AK5: variants seen among roughly 807,000 people sequenced by gnomAD.
AK5 encodes adenylate kinase isoenzyme 5.
In AK5, 27 loss-of-function variants were observed where a neutral mutation model predicts 69.5. The observed-to-expected ratio is 0.39, with a 90% confidence interval of 0.29 to 0.54. The LOEUF (loss-of-function observed/expected upper bound fraction) is 0.54. AK5 is among the 20% of genes least tolerant of loss of function. AK5 has a pLI of 0.71. For missense variants in AK5, 531 were observed against 700.4 expected (o/e 0.76, Z 2.73); for synonymous variants, 260 against 244.4 (o/e 1.06, Z -0.60).
chr1:77,464,454 T>C (rs1008728073), intron 8 of AK5, among the ~76,000 whole-genome samples: 2 of 152,236 alleles, frequency 1.3e-5, no homozygotes, highest in Middle Eastern at 3.4e-3. Context: ...AGTGAACACA[T>C]TGGAGAGGAG....
intron 13 of AK5, among the ~76,000 whole-genome samples, chr1:77,537,072 T>C (rs1659011408): frequency 6.6e-6 from 1 of 152,058 alleles, no homozygotes; most frequent in Non-Finnish European, 1.5e-5. Flanking sequence ...CTTGCAAAGC[T>C]TAGGGTTTCA....
At chr1:77,451,526 CT>C (rs1477208188) in intron 8 of AK5, among the ~76,000 whole-genome samples, 9 of 152,112 alleles carry the variant, frequency 5.9e-5, no homozygotes, top group Admixed American at 3.9e-4. Context: ...TAAACTTTTC[CT>C]AAATCTCTGA....
chr1:77,486,438 GT>G lies in AK5; in HGVS notation c.1147+87del, dbSNP rs1429040255. 4.1e-6 allele frequency: 4 copies of G among 982,422 alleles called. No individual in the cohort carries two copies. In the African/African-American group the frequency reaches 6.5e-5, roughly 16 times the overall value. The allele number at this position is 982,422 out of a possible 1,614,324, so 60.9% of individuals were successfully genotyped here. A position where few individuals can be genotyped will look rare whatever the true frequency, so the allele number is the denominator to read the frequency against. The stretch of plus-strand genomic sequence containing the variant: ...GGGCCAGGTGCGGTGGCTTACACCT[GT>G]AATCCCAGCACTGTGGGAGGCCAAG... On this transcript the variant is annotated intron_variant, in intron 10 of 13. Coordinates refer to ENST00000354567, the MANE Select transcript of AK5 (RefSeq NM_174858.3).
intron 6 of AK5, among the ~76,000 whole-genome samples, chr1:77,385,603 A>C (rs1331192966): frequency 6.6e-6 from 1 of 152,236 alleles, no homozygotes; most frequent in Non-Finnish European, 1.5e-5. Flanking sequence ...TGGTCAACGA[A>C]AAGGCCTTTT....
chr1:77,304,022 TTTAAG>T (rs778735780), intron 5 of AK5, among the ~76,000 whole-genome samples: 12 of 152,200 alleles, frequency 7.9e-5, no homozygotes, highest in African/African-American at 1.9e-4. Flanking sequence ...AATTACACTC[TTTAAG>T]TTATTTTAAA....
chr1:77,536,176 A>T (rs1658955947), intron 13 of AK5, 138 bp downstream of exon 13: 1 of 971,964 alleles, frequency 1.0e-6, no homozygotes, highest in Non-Finnish European at 1.5e-6. Context: ...ACTGGGGCCA[A>T]AAGGCCCAGC....
chr1:77,331,280 CTTTG>C (rs910171016), intron 5 of AK5, among the ~76,000 whole-genome samples: 6 of 152,042 alleles, frequency 3.9e-5, no homozygotes, highest in African/African-American at 1.4e-4. Context: ...TAATGAGCAT[CTTTG>C]TTTCAGTCCT....
intron 5 of AK5, among the ~76,000 whole-genome samples, chr1:77,310,628 G>A (rs935738334): frequency 2.6e-5 from 4 of 152,102 alleles, no homozygotes; most frequent in South Asian, 4.2e-4. Context: ...TGATCCACCC[G>A]CCTCGGCCTC....
At chr1:77,365,894 A>G (rs528813050) in intron 6 of AK5, among the ~76,000 whole-genome samples, 7 of 152,262 alleles carry the variant, frequency 4.6e-5, no homozygotes, top group African/African-American at 1.7e-4. Flanking sequence ...TGCTTTTATA[A>G]TCAGAGTTTT....
At chr1:77,391,390 A>ATAT (rs1553144046) in intron 6 of AK5, among the ~76,000 whole-genome samples, 11 of 141,660 alleles carry the variant, frequency 7.8e-5, no homozygotes, top group African/African-American at 3.0e-4. Context: ...CAAAAAAAAA[A>ATAT]ATATATATAT....
chr1:77,530,209 TGAG>T (rs796076537), intron 12 of AK5, among the ~76,000 whole-genome samples: 1 of 152,346 alleles, frequency 6.6e-6, no homozygotes, highest in South Asian at 2.1e-4. Flanking sequence ...ATTTTTCACT[TGAG>T]ATGTTTCTGC....
chr1:77,509,798 G>A (rs753702237), intron 10 of AK5, among the ~76,000 whole-genome samples: 12 of 152,314 alleles, frequency 7.9e-5, no homozygotes, highest in Middle Eastern at 3.4e-3. Flanking sequence ...TAAGCTCATG[G>A]AATTTTACTG....
chr1:77,502,333 T>G (rs1006841226), intron 10 of AK5, among the ~76,000 whole-genome samples: 2 of 152,130 alleles, frequency 1.3e-5, no homozygotes, highest in Non-Finnish European at 2.9e-5. Context: ...CTAAGCCCAT[T>G]AAAAAGGAAA....
chr1:77,408,810 T>C (rs1486231439), intron 6 of AK5, among the ~76,000 whole-genome samples: 2 of 152,188 alleles, frequency 1.3e-5, no homozygotes, highest in Non-Finnish European at 2.9e-5. Context: ...GTTTGTTACA[T>C]AGGTAAACAT....
In AK5 at chr1:77,492,803, A is replaced by G. The variant is rs183450646; in HGVS notation, c.1147+6451A>G. On this transcript the variant is annotated intron_variant, in intron 10 of 13. Coordinates refer to ENST00000354567, the MANE Select transcript of AK5 (RefSeq NM_174858.3). ...AGAGGACTGTAGCAGGAGGTCCCAA[A>G]GCAGGGGGCTGGATGGAAGGTGGAG... 4.9e-3 allele frequency among the ~76,000 whole-genome samples: 741 copies of G among 152,298 alleles called. 2 individuals carry two copies. Among genetic ancestry groups the G allele is most frequent in the Non-Finnish European group, 8.7e-3 (593 of 68,028 alleles).
intron 6 of AK5, among the ~76,000 whole-genome samples, chr1:77,354,858 G>A (rs1570429861): frequency 6.6e-6 from 1 of 152,108 alleles, no homozygotes; most frequent in East Asian, 1.9e-4. Flanking sequence ...AAAAATAGAA[G>A]TAATAGATTT....
At chr1:77,362,540 A>G (rs565850791) in intron 6 of AK5, among the ~76,000 whole-genome samples, 6 of 152,320 alleles carry the variant, frequency 3.9e-5, no homozygotes, top group Non-Finnish European at 8.8e-5. Context: ...AAAAAACCCA[A>G]AAGATTATAA....
intron 3 of AK5, among the ~76,000 whole-genome samples, chr1:77,296,256 C>A (rs537394868): frequency 6.6e-6 from 1 of 152,164 alleles, no homozygotes; most frequent in East Asian, 1.9e-4. Flanking sequence ...GGAACAGATA[C>A]GAATCTCTCT....
At chr1:77,543,364 T>C (rs1659375561) in intron 13 of AK5, among the ~76,000 whole-genome samples, 1 of 152,230 alleles carries the variant, frequency 6.6e-6, no homozygotes, top group Non-Finnish European at 1.5e-5. Flanking sequence ...ATTTTGATTC[T>C]TCTTTCAGTT....
Sources: allele counts gnomAD v4.1 joint callset (sites outside exome capture counted in the v4.1 genomes callset), GRCh38; gene constraint gnomAD v4.1.1; transcripts MANE v1.5; gene names NCBI Gene and HGNC (gene_info 2026-07-23, HGNC 2026-07-21).